SERINC5: variants seen among roughly 807,000 people sequenced by gnomAD.
The protein encoded by SERINC5 is chromosome 5 open reading frame 12.
Under a neutral mutation model 63.1 loss-of-function variants are expected in SERINC5, and 41 were observed. That is an observed-to-expected ratio of 0.65 (90% CI 0.51 to 0.84). The LOEUF is 0.84. Among genes scored for constraint, SERINC5 ranks in the 40% least tolerant of loss-of-function variants. The pLI, the probability that SERINC5 is intolerant of heterozygous loss-of-function variation, is 0.00. For missense variants in SERINC5, 523 were observed against 573.0 expected, an observed-to-expected ratio of 0.91 and a Z score of 0.89; for synonymous variants, 222 against 215.2, an observed-to-expected ratio of 1.03 and a Z score of -0.28.
In SERINC5 at chr5:80,169,353, A is replaced by G; in HGVS notation, c.745T>C (p.Ser249Pro). Residue 249 changes from serine (S) to proline (P), a missense_variant, in exon 6 of 12, where the codon TCA becomes CCA. Physicochemically the swap from Ser to Pro is moderately conservative, Grantham distance 74. Transcript: ENST00000507668. ...LCLLISLVAISPWVQNRQPHS... is the reference protein window; with the variant it reads ...LCLLISLVAIPPWVQNRQPHS... The stretch of plus-strand genomic sequence containing the variant: ...TGCTTACGATTTTGGACCCAGGGTG[A>G]GATGGCTACCAATGATATAAGCAGG... 1.2e-6 allele frequency: 2 copies of G among 1,613,964 alleles called. No individual in the cohort carries two copies. Among genetic ancestry groups the G allele is most frequent in the Non-Finnish European group, 1.7e-6 (2 of 1,179,800 alleles).
intron 1 of SERINC5, 133 bp from the exon 2 acceptor site, chr5:80,203,186 G>T (rs1279249232): frequency 2.4e-6 from 2 of 830,830 alleles, no homozygotes; most frequent in East Asian, 2.8e-5. Context: ...GACTAGGATC[G>T]CTTGAGACCA....
intron 6 of SERINC5, among the ~76,000 whole-genome samples, chr5:80,168,528 T>C (rs1016071560): frequency 1.8e-4 from 27 of 152,102 alleles, no homozygotes; most frequent in African/African-American, 6.5e-4. Context: ...ACCACTATTT[T>C]AGAAATGATT....
At chr5:80,137,668 G>T (rs12108760), downstream of SERINC5, among the ~76,000 whole-genome samples, 2 of 138,760 alleles carry the variant, frequency 1.4e-5, no homozygotes, top group Admixed American at 1.5e-4. Context: ...TGAGCTGGGC[G>T]CAGTGGCTCA....
At chr5:80,208,781 TAACA>T (rs993849894) in intron 1 of SERINC5, among the ~76,000 whole-genome samples, 1 of 152,192 alleles carries the variant, frequency 6.6e-6, no homozygotes, top group African/African-American at 2.4e-5. Flanking sequence ...AGGCTGTTCA[TAACA>T]AACACTAGAA....
chr5:80,113,008 A>G (rs1360885076), intron 12 of SERINC5, among the ~76,000 whole-genome samples: 1 of 152,110 alleles, frequency 6.6e-6, no homozygotes, highest in African/African-American at 2.4e-5. Context: ...AGTCTCCCCT[A>G]TGGATATTTT....
chr5:80,172,995 A>G (rs1336296192), intron 5 of SERINC5, among the ~76,000 whole-genome samples: 5 of 152,106 alleles, frequency 3.3e-5, no homozygotes, highest in Non-Finnish European at 7.4e-5. Context: ...TCTAACTGGT[A>G]TCTCAAACTT....
chr5:80,229,317 C>G (rs549146906), intron 1 of SERINC5, among the ~76,000 whole-genome samples: 1 of 150,378 alleles, frequency 6.6e-6, no homozygotes, highest in Non-Finnish European at 1.5e-5. Context: ...AGCCACCATT[C>G]CTGGCATTTT....
intron 1 of SERINC5, 131 bp downstream of exon 1, chr5:80,255,765 C>G (rs1456645167): frequency 4.3e-6 from 4 of 923,122 alleles, no homozygotes; most frequent in Non-Finnish European, 6.5e-6. Flanking sequence ...GCGGGGCCAG[C>G]CCGAGCGACC....
At chr5:80,235,311 T>C (rs1030465537) in intron 1 of SERINC5, among the ~76,000 whole-genome samples, 3 of 152,250 alleles carry the variant, frequency 2.0e-5, no homozygotes, top group African/African-American at 7.2e-5. Flanking sequence ...GTTAATTTCA[T>C]TCTTTTTAAC....
chr5:80,153,429 T>C (rs778840128), intron 8 of SERINC5, among the ~76,000 whole-genome samples: 2 of 152,082 alleles, frequency 1.3e-5, no homozygotes, highest in African/African-American at 2.4e-5. Context: ...TATTCAGTTG[T>C]AGCCTTTCTC....
intron 8 of SERINC5, among the ~76,000 whole-genome samples, chr5:80,151,992 G>A (rs1184962746): frequency 6.6e-6 from 1 of 152,132 alleles, no homozygotes; most frequent in Non-Finnish European, 1.5e-5. Context: ...ACAATAAAAA[G>A]CTTTCTCATA....
At chr5:80,177,836 C>T (rs1057048459) in intron 3 of SERINC5, 50 bp downstream of exon 3, 1 of 1,442,762 alleles carries the variant, frequency 6.9e-7, no homozygotes, top group Admixed American at 2.2e-5. Context: ...GACTACTGTC[C>T]TGAACATAAG....
At chr5:80,137,139 C>CAAAAAAAAAAAAAAAAAAAAAAAAAAA (rs869035894), downstream of SERINC5, among the ~76,000 whole-genome samples, 1 of 67,742 alleles carries the variant, frequency 1.5e-5, no homozygotes, top group Non-Finnish European at 2.9e-5. Context: ...GACCCTGTCT[C>CAAAAAAAAAAAAAAAAAAAAAAAAAAA]AAAAAAAAAA....
At chr5:80,131,481 G>A (rs1402573219) in intron 11 of SERINC5, among the ~76,000 whole-genome samples, 1 of 152,166 alleles carries the variant, frequency 6.6e-6, no homozygotes. Flanking sequence ...ATCCAAGGGA[G>A]AAGCATTCCA....
Position 80,166,397 on chromosome 5 carries a change from T to C in SERINC5, c.845A>G (p.Lys282Arg). The C allele has an allele frequency of 1.9e-6, 3 of 1,587,600 alleles. No individual in the cohort carries two copies. The highest frequency in any genetic ancestry group is 2.6e-6 in the Non-Finnish European group (3 of 1,166,718). The change falls in exon 7 of 12, where the codon AAA (lysine) becomes AGA (arginine). Residue 282 changes from lysine (K) to arginine (R), a missense_variant. Transcript: ENST00000507668. ...GGCTGGCTTACCTACTTCTGCAGGT[T>C]TGCTGGACAGAGCTGAGAAGGTGAG... ...TYLTFSALSS[K>R]PAEVVLDEHG...
intron 11 of SERINC5, among the ~76,000 whole-genome samples, chr5:80,129,650 T>C (rs1744866768): frequency 6.6e-6 from 1 of 152,176 alleles, no homozygotes; most frequent in Non-Finnish European, 1.5e-5. Flanking sequence ...TCAGAACACA[T>C]TCAATAAGAT....
chr5:80,212,261 G>A (rs1402540469), intron 1 of SERINC5, among the ~76,000 whole-genome samples: 1 of 152,190 alleles, frequency 6.6e-6, no homozygotes, highest in Non-Finnish European at 1.5e-5. Context: ...TGACCAAGCT[G>A]TTAGAACTCA....
intron 9 of SERINC5, among the ~76,000 whole-genome samples, chr5:80,148,750 A>G (rs1476338140): frequency 6.6e-6 from 1 of 152,204 alleles, no homozygotes; most frequent in Non-Finnish European, 1.5e-5. Context: ...TGGGAAGTGC[A>G]GGGCCCTTAG....
chr5:80,205,753 G>A (rs1176785811), intron 1 of SERINC5, among the ~76,000 whole-genome samples: 1 of 151,944 alleles, frequency 6.6e-6, no homozygotes, highest in African/African-American at 2.4e-5. Flanking sequence ...TGAACTACAA[G>A]CAAGTTATTT....
Sources: allele counts gnomAD v4.1 joint callset (sites outside exome capture counted in the v4.1 genomes callset), GRCh38; gene constraint gnomAD v4.1.1; transcripts MANE v1.5; gene names NCBI Gene and HGNC (gene_info 2026-07-23, HGNC 2026-07-21).